The following AFF3 variants were observed in gnomAD, a reference collection of about 807,000 sequenced individuals.
AFF3 encodes AF4/FMR2 family member 3.
In AFF3, 32 loss-of-function variants were observed where a neutral mutation model predicts 129.7. The observed-to-expected ratio is 0.25, with a 90% CI of 0.19 to 0.33. The LOEUF is 0.33. Among genes scored for constraint, AFF3 ranks in the 10% least tolerant of loss-of-function variants. The pLI, the probability that AFF3 is intolerant of heterozygous loss-of-function variation, is 1.00. For missense variants in AFF3, 1,373 were observed against 1,592.0 expected, an observed-to-expected ratio of 0.86 and a Z score of 2.34; for synonymous variants, 644 against 635.4, an observed-to-expected ratio of 1.01 and a Z score of -0.20.
At chr2:99,633,253 C>T (rs1318515154) in intron 13 of AFF3, among the ~76,000 whole-genome samples, 2 of 152,116 alleles carry the variant, frequency 1.3e-5, no homozygotes, top group African/African-American at 2.4e-5. Context: ...CGAGATTTGA[C>T]AGGCACAAGC....
chr2:100,039,775 G>C (rs1364779185), intron 4 of AFF3, among the ~76,000 whole-genome samples: 1 of 152,024 alleles, frequency 6.6e-6, no homozygotes, highest in East Asian at 1.9e-4. Flanking sequence ...GCTGGCTCTG[G>C]TGAAAGTTCC....
chr2:99,839,093 C>T (rs1689114609), intron 7 of AFF3, among the ~76,000 whole-genome samples: 1 of 152,170 alleles, frequency 6.6e-6, no homozygotes, highest in Non-Finnish European at 1.5e-5. Context: ...CACAGAGTTA[C>T]CATATGGTAA....
At chr2:99,678,716 C>T (rs1189087375) in intron 11 of AFF3, among the ~76,000 whole-genome samples, 3 of 152,206 alleles carry the variant, frequency 2.0e-5, no homozygotes, top group African/African-American at 4.8e-5. Context: ...TATGAATCTC[C>T]ATTAAACATA....
chr2:100,139,228 C>T (rs1218015365), intron 1 of AFF3, among the ~76,000 whole-genome samples: 2 of 152,130 alleles, frequency 1.3e-5, no homozygotes. Flanking sequence ...TCTTCATTAT[C>T]CATGGTCTCC....
At chr2:100,047,641 A>G (rs1381052721) in intron 4 of AFF3, among the ~76,000 whole-genome samples, 1 of 152,248 alleles carries the variant, frequency 6.6e-6, no homozygotes. Flanking sequence ...GAGTTAAAAA[A>G]AGTCAGCGAT....
chr2:99,860,723 C>A (rs535948517), intron 7 of AFF3, among the ~76,000 whole-genome samples: 6 of 149,358 alleles, frequency 4.0e-5, no homozygotes, highest in Admixed American at 3.3e-4. Flanking sequence ...AAAACTCCGT[C>A]TCAAGAAAAA....
At chr2:100,035,482 T>C (rs1204531385) in intron 4 of AFF3, among the ~76,000 whole-genome samples, 10 of 152,188 alleles carry the variant, frequency 6.6e-5, no homozygotes, top group Non-Finnish European at 7.3e-5. Context: ...CAAATTCTTA[T>C]AGCTGAAGCA....
At chr2:99,954,623 G>T (rs560440454) in intron 7 of AFF3, among the ~76,000 whole-genome samples, 1 of 151,814 alleles carries the variant, frequency 6.6e-6, no homozygotes, top group African/African-American at 2.4e-5. Context: ...TAGGGGCATG[G>T]ATGAAATTGG....
At chr2:99,605,165 C>A (rs1183476312) in intron 13 of AFF3, among the ~76,000 whole-genome samples, 1 of 152,232 alleles carries the variant, frequency 6.6e-6, no homozygotes, top group East Asian at 1.9e-4. Context: ...GCAGAAAAAC[C>A]TTATACGTTA....
chr2:100,062,422 T>A (rs537499903), intron 4 of AFF3, among the ~76,000 whole-genome samples: 65 of 151,352 alleles, frequency 4.3e-4, no homozygotes, highest in Non-Finnish European at 6.8e-4. Context: ...GAAAAAAAAA[T>A]GTCTACAGGG....
At chr2:99,814,225 C>G (rs973581137) in intron 8 of AFF3, among the ~76,000 whole-genome samples, 1 of 148,714 alleles carries the variant, frequency 6.7e-6, no homozygotes, top group South Asian at 2.2e-4. Flanking sequence ...AGCTTCTAAT[C>G]ACACAAACCA....
chr2:99,627,682 T>C (rs1470516439), intron 13 of AFF3, among the ~76,000 whole-genome samples: 3 of 152,228 alleles, frequency 2.0e-5, no homozygotes, highest in Non-Finnish European at 4.4e-5. Flanking sequence ...TACGTTGTCT[T>C]CCAGGGTTTT....
chr2:99,771,354 A>G (rs1276010465), intron 8 of AFF3, among the ~76,000 whole-genome samples: 1 of 151,698 alleles, frequency 6.6e-6, no homozygotes, highest in African/African-American at 2.4e-5. Flanking sequence ...GGTACACGTT[A>G]CCTATGTAAT....
intron 13 of AFF3, among the ~76,000 whole-genome samples, chr2:99,648,909 A>ACTCTCTCTCTCTCTCTCTCTCT (rs1553416890): frequency 2.3e-4 from 10 of 42,996 alleles, no homozygotes; most frequent in South Asian, 2.0e-3. Context: ...ACACACACAC[A>ACTCTCTCTCTCTCTCTCTCTCT]CACACACACT....
intron 8 of AFF3, among the ~76,000 whole-genome samples, chr2:99,796,168 T>C (rs919631075): frequency 1.3e-5 from 2 of 152,162 alleles, no homozygotes; most frequent in Non-Finnish European, 2.9e-5. Context: ...ATGAAGGTTT[T>C]TGGTATTTTA....
chr2:100,105,866 G>T (rs748543010), intron 2 of AFF3: 18 of 1,334,978 alleles, frequency 1.3e-5, no homozygotes, highest in South Asian at 2.5e-5. Context: ...GCCTCACCAC[G>T]CGAACCAAAC....
chr2:99,551,382 A>G lies in AFF3; in HGVS notation c.*92T>C. 6.6e-7 allele frequency: 1 copy of G among 1,520,298 alleles called. No homozygotes were observed. Among genetic ancestry groups the G allele is most frequent in the Non-Finnish European group, 9.0e-7 (1 of 1,113,228 alleles). The allele number at this position is 1,520,298 out of a possible 1,614,324, so 94.2% of individuals were successfully genotyped here. A position where few individuals can be genotyped will look rare whatever the true frequency, so the allele number is the denominator to read the frequency against. On this transcript the variant is annotated 3_prime_UTR_variant, in exon 25 of 25. Coordinates refer to ENST00000672756, the MANE Select transcript of AFF3 (RefSeq NM_001386135.1). ...GGAAATGTTCACCGCAGTCTGATAA[A>G]TGCTGTGGCTGGGAGTTTCAGTAGC... is the stretch of plus-strand genomic sequence containing the variant.
intron 7 of AFF3, among the ~76,000 whole-genome samples, chr2:99,855,777 T>C (rs765403015): frequency 5.9e-5 from 9 of 152,004 alleles, no homozygotes; most frequent in Non-Finnish European, 1.0e-4. Context: ...TTCCAAAGAG[T>C]ATAGCATGGA....
In AFF3 at chr2:99,696,796, A is replaced by C. The variant is rs553191972; in HGVS notation, c.1092-24207T>G. Among the ~76,000 whole-genome samples, 565 of 152,248 alleles carry C rather than the reference A, an allele frequency of 3.7e-3. 5 individuals are homozygous for C. Among genetic ancestry groups the C allele is most frequent in the Non-Finnish European group, 5.7e-3 (389 of 68,014 alleles). On this transcript the variant is annotated intron_variant, in intron 11 of 24. Transcript: ENST00000672756. ...GTAGCTAGGACTACAGGCACGCGCC[A>C]CCATGCCCAGCTAATTTTAAAATTT...
Sources: allele counts gnomAD v4.1 joint callset (sites outside exome capture counted in the v4.1 genomes callset), GRCh38; gene constraint gnomAD v4.1.1; transcripts MANE v1.5; gene names NCBI Gene and HGNC (gene_info 2026-07-23, HGNC 2026-07-21).